C1orf94: variants seen among roughly 807,000 people sequenced by gnomAD.
C1orf94 encodes chromosome 1 open reading frame 94, also known as uncharacterized protein C1orf94.
A neutral mutation model predicts 53.6 loss-of-function variants in C1orf94; 45 were observed. The observed-to-expected ratio is 0.84, with a 90% CI of 0.66 to 1.08. The LOEUF is 1.08. Among genes scored for constraint, C1orf94 ranks in the 50% least tolerant of loss-of-function variants. The pLI, the probability that C1orf94 is intolerant of heterozygous loss-of-function variation, is 0.00. For missense variants in C1orf94, 762 were observed against 738.9 expected (o/e 1.03, Z -0.36); for synonymous variants, 304 against 296.1 (o/e 1.03, Z -0.27).
At chr1:34,192,323 A>G (rs751549482) in intron 1 of C1orf94, among the ~76,000 whole-genome samples, 2 of 152,158 alleles carry the variant, frequency 1.3e-5, no homozygotes, top group Non-Finnish European at 2.9e-5. Context: ...ACCGCCTTGC[A>G]GAATTTGGGA....
chr1:34,184,824 G>GA (rs1553129000), intron 1 of C1orf94, among the ~76,000 whole-genome samples: 2 of 150,842 alleles, frequency 1.3e-5, no homozygotes, highest in African/African-American at 4.9e-5. Flanking sequence ...AGCCTCTTTT[G>GA]TTTTTTTTGG....
rs1056508329 is a variant in C1orf94, at chr1:34,198,809, G to T, written c.1009+896G>T. ...GGAAGGCCAAGGAATCAGAGCTGTG[G>T]ATAGCAAGCTGAACTCTGGGTCCTG... On this transcript the variant is annotated intron_variant, in intron 2 of 6. Coordinates refer to ENST00000488417, the MANE Select transcript of C1orf94 (RefSeq NM_001134734.2). Among the ~76,000 whole-genome samples, 36 of 152,230 alleles carry T rather than the reference G, an allele frequency of 2.4e-4. 1 individual carries two copies. The highest frequency in any genetic ancestry group is 2.4e-3 in the Admixed American group (36 of 15,280).
chr1:34,201,416 C>T (rs1642705394), intron 3 of C1orf94, among the ~76,000 whole-genome samples: 1 of 152,098 alleles, frequency 6.6e-6, no homozygotes, highest in South Asian at 2.1e-4. Flanking sequence ...CCTCTTTTCC[C>T]AAAAGGATGC....
chr1:34,204,685 C>A (rs1642765047), intron 4 of C1orf94, among the ~76,000 whole-genome samples: 2 of 152,138 alleles, frequency 1.3e-5, no homozygotes, highest in Admixed American at 6.5e-5. Context: ...AAAACCATTT[C>A]TCCCTACAAG....
intron 4 of C1orf94, among the ~76,000 whole-genome samples, chr1:34,202,469 C>T (rs1642728119): frequency 1.3e-5 from 2 of 152,154 alleles, no homozygotes. Flanking sequence ...ATCAGATCTA[C>T]CCCTTGGTTC....
intron 1 of C1orf94, among the ~76,000 whole-genome samples, chr1:34,169,852 A>G (rs916356649): frequency 3.3e-5 from 5 of 152,232 alleles, no homozygotes; most frequent in African/African-American, 4.8e-5. Flanking sequence ...TCTGCTGCCC[A>G]AGGAGTGGCG....
In C1orf94 at chr1:34,212,202, A is replaced by G; in HGVS notation, c.1525-8A>G. The G allele has an allele frequency of 6.2e-7, 1 of 1,602,466 alleles. No homozygotes were observed. The highest frequency in any genetic ancestry group is 8.5e-7 in the Non-Finnish European group (1 of 1,173,942). ...TGACCTCACCCCTCTCTTCTCTGTG[A>G]TGTGCAGGTGATGCCATACAACCCA... On this transcript the variant is annotated splice_region_variant and splice_polypyrimidine_tract_variant and intron_variant, in intron 5 of 6. Coordinates refer to ENST00000488417, the MANE Select transcript of C1orf94 (RefSeq NM_001134734.2).
rs778082498 is a variant in C1orf94 at position 34,197,320 on chromosome 1, A to G, written c.416A>G (p.Glu139Gly). Residue 139 changes from glutamate (E) to glycine (G), a missense_variant, in exon 2 of 7, where the codon GAG (glutamate) becomes GGG (glycine). Coordinates refer to ENST00000488417, the MANE Select transcript of C1orf94 (RefSeq NM_001134734.2). The surrounding 1 kb of genome is among the most constrained non-coding windows in gnomAD (Gnocchi z 4.1). The part of the protein sequence containing the change: ...LTKEHSILVE[E>G]SSGELEVPGS... Reference sequence around the variant, plus strand: ...AAAGAGCACTCGATCCTGGTCGAAGAGAGTTCTGGGGAGCTGGAGGTACCC... The same window carrying G: ...AAAGAGCACTCGATCCTGGTCGAAGGGAGTTCTGGGGAGCTGGAGGTACCC... The G allele has an allele frequency of 6.4e-7, 1 of 1,571,778 alleles. No individual in the cohort carries two copies. The highest frequency in any genetic ancestry group is 8.6e-7 in the Non-Finnish European group (1 of 1,158,054).
intron 1 of C1orf94, among the ~76,000 whole-genome samples, chr1:34,183,189 T>C (rs1384211167): frequency 6.6e-6 from 1 of 152,236 alleles, no homozygotes; most frequent in Non-Finnish European, 1.5e-5. Flanking sequence ...AAATCAATAG[T>C]TCTGTCTAGT....
chr1:34,214,569 G>A (rs1475079959), intron 6 of C1orf94, among the ~76,000 whole-genome samples: 1 of 152,208 alleles, frequency 6.6e-6, no homozygotes, highest in African/African-American at 2.4e-5. Flanking sequence ...TCTGTGCTGT[G>A]ACTCTGGGCT....
At chr1:34,170,022 T>G (rs1642121465) in intron 1 of C1orf94, among the ~76,000 whole-genome samples, 1 of 152,228 alleles carries the variant, frequency 6.6e-6, no homozygotes, top group Non-Finnish European at 1.5e-5. Flanking sequence ...TTGGTGAAAA[T>G]TCTTCATTTG....
At chr1:34,194,765 A>AC (rs1642553455) in intron 1 of C1orf94, among the ~76,000 whole-genome samples, 1 of 152,172 alleles carries the variant, frequency 6.6e-6, no homozygotes, top group African/African-American at 2.4e-5. Flanking sequence ...GTTAGGCATA[A>AC]CCACAATACC....
At position 34,200,683 on chromosome 1, in the gene C1orf94, G is replaced by T. The variant is rs1212373534; in HGVS notation, c.1010-89G>T. The T allele has an allele frequency of 1.2e-5, 18 of 1,544,546 alleles. No homozygotes were observed. The Middle Eastern group carries it at 5.5e-4, about 47-fold the overall frequency. On this transcript the variant is annotated intron_variant, in intron 2 of 6. Coordinates refer to ENST00000488417, the MANE Select transcript of C1orf94 (RefSeq NM_001134734.2). Reference sequence around the variant, plus strand: ...CCAAGCCTCAGGTGTGTGCTGCAGAGGATTCATCATTTAGTCCACAAAAAG... The same window carrying T: ...CCAAGCCTCAGGTGTGTGCTGCAGATGATTCATCATTTAGTCCACAAAAAG...
intron 2 of C1orf94, among the ~76,000 whole-genome samples, chr1:34,200,398 T>C (rs1642682827): frequency 6.6e-6 from 1 of 151,600 alleles, no homozygotes; most frequent in South Asian, 2.1e-4. Flanking sequence ...AAAGGAATGA[T>C]GGAAGGAAGG....
chr1:34,206,584 C>T (rs6657699), intron 4 of C1orf94, among the ~76,000 whole-genome samples: 1,600 of 152,312 alleles, frequency 0.011, 32 homozygotes, highest in African/African-American at 0.037. Context: ...GGCAGGCGCA[C>T]GACTGCCTGT....
At chr1:34,188,102 C>T (rs996080888) in intron 1 of C1orf94, among the ~76,000 whole-genome samples, 1 of 152,074 alleles carries the variant, frequency 6.6e-6, no homozygotes, top group African/African-American at 2.4e-5. Flanking sequence ...ACCTGGGCCC[C>T]ATTCTAGATC....
rs910107980 is a variant in C1orf94, at chr1:34,177,959, C to A, written c.170C>A (p.Thr57Lys). The part of the protein sequence containing the change: ...FPRYIWIHQD[T>K]PQDSLDKTCH... The stretch of plus-strand genomic sequence containing the variant: ...AGATACATCTGGATCCACCAGGACA[C>A]ACCCCAAGACAGCCTAGACAAGACT... The change falls in exon 1 of 7, where the codon ACA (threonine) becomes AAA (lysine). Residue 57 changes from threonine to lysine, a missense_variant. By Grantham distance (78) the Thr-to-Lys change is moderately conservative. Transcript: ENST00000488417. The A allele has an allele frequency of 6.4e-7, 1 of 1,551,638 alleles. No individual in the cohort carries two copies. The highest frequency in any genetic ancestry group is 8.7e-7 in the Non-Finnish European group (1 of 1,147,016).
Position 34,177,932 on chromosome 1 carries a change from C to G in C1orf94, c.143C>G (p.Pro48Arg). 1.3e-6 allele frequency: 2 copies of G among 1,551,712 alleles called. No homozygotes were observed. Among genetic ancestry groups the G allele is most frequent in the Non-Finnish European group, 1.7e-6 (2 of 1,146,994 alleles). The part of the protein sequence containing the change: ...AKGPCALGPF[P>R]RYIWIHQDTP... The stretch of plus-strand genomic sequence containing the variant: ...GGCCCCTGCGCCCTGGGCCCATTCC[C>G]CAGATACATCTGGATCCACCAGGAC... The change falls in exon 1 of 7, where the codon CCC (proline) becomes CGC (arginine). Residue 48 changes from proline (P) to arginine (R), a missense_variant. By Grantham distance (103) the Pro-to-Arg change is moderately radical (BLOSUM62 -2). Coordinates refer to ENST00000488417, the MANE Select transcript of C1orf94 (RefSeq NM_001134734.2).
chr1:34,216,360 G>A (rs1008469999), intron 6 of C1orf94, among the ~76,000 whole-genome samples: 8 of 152,200 alleles, frequency 5.3e-5, no homozygotes, highest in African/African-American at 1.9e-4. Flanking sequence ...AGATGTGGAG[G>A]AACCAGCAAA....
Sources: allele counts gnomAD v4.1 joint callset (sites outside exome capture counted in the v4.1 genomes callset), GRCh38; gene constraint gnomAD v4.1.1; non-coding constraint Gnocchi (gnomAD v3.1); transcripts MANE v1.5; gene names NCBI Gene and HGNC (gene_info 2026-07-23, HGNC 2026-07-21).